TMEM178B: variants seen among roughly 807,000 people sequenced by gnomAD.
TMEM178B encodes transmembrane protein 178B.
A neutral mutation model predicts 31.0 loss-of-function variants in TMEM178B; 5 were observed. That is an observed-to-expected ratio of 0.16 (90% CI 0.08 to 0.34). The LOEUF (loss-of-function observed/expected upper bound fraction) is 0.34. TMEM178B is among the 10% of genes least tolerant of loss of function. The pLI, the probability that TMEM178B is intolerant of heterozygous loss-of-function variation, is 1.00. For missense variants in TMEM178B, 275 were observed against 400.3 expected, an observed-to-expected ratio of 0.69 and a Z score of 2.67; for synonymous variants, 164 against 164.0, an observed-to-expected ratio of 1.00 and a Z score of 0.00.
chr7:141,079,047 G>A (rs1015002810), intron 1 of TMEM178B, among the ~76,000 whole-genome samples: 2 of 152,200 alleles, frequency 1.3e-5, no homozygotes, highest in African/African-American at 4.8e-5. Flanking sequence ...AGCACTTTGG[G>A]AGGCCGAGGC....
intron 2 of TMEM178B, among the ~76,000 whole-genome samples, chr7:141,322,540 T>C (rs544399530): frequency 6.6e-6 from 1 of 152,032 alleles, no homozygotes; most frequent in East Asian, 1.9e-4. Context: ...GTTTTAAAAA[T>C]CAATCAATCA....
chr7:141,261,988 G>A (rs1324715858), intron 2 of TMEM178B, among the ~76,000 whole-genome samples: 1 of 152,144 alleles, frequency 6.6e-6, no homozygotes, highest in African/African-American at 2.4e-5. Context: ...GAGCCCTAGA[G>A]ACTTAGAATG....
intron 2 of TMEM178B, among the ~76,000 whole-genome samples, chr7:141,360,126 C>A (rs1799892681): frequency 6.6e-6 from 1 of 152,216 alleles, no homozygotes; most frequent in African/African-American, 2.4e-5. Context: ...ACTCTGACAA[C>A]TGACTTATAT....
At chr7:141,138,405 G>T (rs1795711604) in intron 1 of TMEM178B, among the ~76,000 whole-genome samples, 1 of 152,032 alleles carries the variant, frequency 6.6e-6, no homozygotes, top group Admixed American at 6.5e-5. Context: ...TCCTTATGGA[G>T]AATTAGTTTA....
rs1273815759 is a variant in TMEM178B, at chr7:141,205,742, T to C, written c.383-6849T>C. ...ACCACTCTGCCTAGAAGGGCCCTGC[T>C]TAATATATATTACCCTTGAGTGATA... is the stretch of plus-strand genomic sequence containing the variant. On this transcript the variant is annotated intron_variant, in intron 1 of 3. Coordinates refer to ENST00000565468, the MANE Select transcript of TMEM178B (RefSeq NM_001195278.2). 2.0e-5 allele frequency among the ~76,000 whole-genome samples: 3 copies of C among 152,370 alleles called. No homozygotes were observed. The East Asian group carries it at 5.8e-4, about 29-fold the overall frequency.
intron 2 of TMEM178B, among the ~76,000 whole-genome samples, chr7:141,375,861 G>A (rs952709784): frequency 2.0e-5 from 3 of 152,148 alleles, no homozygotes; most frequent in Non-Finnish European, 4.4e-5. Flanking sequence ...GAAACAGAGA[G>A]GGCAAGCCTT....
chr7:141,187,502 C>T (rs1796629615), intron 1 of TMEM178B, among the ~76,000 whole-genome samples: 1 of 152,060 alleles, frequency 6.6e-6, no homozygotes, highest in East Asian at 1.9e-4. Flanking sequence ...TTCTAGATCC[C>T]TGAGGAATCG....
chr7:141,263,254 T>G (rs972039029), intron 2 of TMEM178B, among the ~76,000 whole-genome samples: 1 of 152,224 alleles, frequency 6.6e-6, no homozygotes, highest in Admixed American at 6.5e-5. Flanking sequence ...AGCATTCCTC[T>G]GGCTCCTTTT....
chr7:141,491,752 T>G, the TMEM178B span, among the ~76,000 whole-genome samples: 9 of 152,222 alleles, frequency 5.9e-5, no homozygotes, highest in Non-Finnish European at 1.3e-4. Context: ...CTTAACCACT[T>G]TGTTTTATTG....
intron 2 of TMEM178B, among the ~76,000 whole-genome samples, chr7:141,323,592 G>C (rs539814226): frequency 2.6e-5 from 4 of 152,112 alleles, no homozygotes; most frequent in African/African-American, 9.6e-5. Context: ...ATTACATTTT[G>C]TTATTAACTT....
At position 141,209,394 on chromosome 7, in the gene TMEM178B, A is replaced by G. The variant is rs545161931; in HGVS notation, c.383-3197A>G. Among the ~76,000 whole-genome samples, 13 of 152,348 alleles carry G rather than the reference A, an allele frequency of 8.5e-5. No homozygotes were observed. In the East Asian group the frequency reaches 1.5e-3, roughly 18 times the overall value. ...TATAGACTCACAGAGTTCTGCAACA[A>G]TCGCCTCCTTTAATTCATTAGATTC... is the stretch of plus-strand genomic sequence containing the variant. On this transcript the variant is annotated intron_variant, in intron 1 of 3. Transcript: ENST00000565468.
intron 2 of TMEM178B, among the ~76,000 whole-genome samples, chr7:141,308,104 CG>C (rs936099258): frequency 1.3e-5 from 2 of 151,998 alleles, no homozygotes; most frequent in African/African-American, 4.8e-5. Flanking sequence ...ATGAAGAAGC[CG>C]GGGAAGGAGG....
chr7:141,108,413 T>C (rs573731883), intron 1 of TMEM178B, among the ~76,000 whole-genome samples: 1 of 152,188 alleles, frequency 6.6e-6, no homozygotes, highest in Non-Finnish European at 1.5e-5. Flanking sequence ...AGAAGGTTCA[T>C]GGGCAATCCA....
chr7:141,466,875 G>A (rs989578372), intron 3 of TMEM178B, among the ~76,000 whole-genome samples: 2 of 152,142 alleles, frequency 1.3e-5, no homozygotes, highest in Admixed American at 1.3e-4. Flanking sequence ...GCAATTGGAA[G>A]CATCCACAGT....
At chr7:141,166,117 C>T (rs1796256626) in intron 1 of TMEM178B, among the ~76,000 whole-genome samples, 1 of 152,176 alleles carries the variant, frequency 6.6e-6, no homozygotes, top group African/African-American at 2.4e-5. Context: ...CAGCATTTGC[C>T]ACAATTGCTG....
chr7:141,475,773 C>T lies in TMEM178B; in HGVS notation c.*4987C>T, dbSNP rs1455722994. On this transcript the variant is annotated 3_prime_UTR_variant, in exon 4 of 4. Transcript: ENST00000565468. ...TTGGGCCTGTCTGCCTGCTTTCCTT[C>T]CTTCCTTTTCTTTCCTTTTTTTTTT... The T allele has an allele frequency of 1.3e-5, 2 of 150,144 alleles. No homozygotes were observed. The highest frequency in any genetic ancestry group is 2.9e-5 in the Non-Finnish European group (2 of 68,020). 9.3% of individuals were successfully genotyped at this position (150,144 alleles called of 1,614,324 possible).
At chr7:141,133,238 G>C (rs1795621421) in intron 1 of TMEM178B, among the ~76,000 whole-genome samples, 1 of 152,056 alleles carries the variant, frequency 6.6e-6, no homozygotes, top group Non-Finnish European at 1.5e-5. Flanking sequence ...AGATTCTAAT[G>C]AAAAGGAAAT....
chr7:141,410,268 A>G (rs1170192564), intron 2 of TMEM178B, among the ~76,000 whole-genome samples: 1 of 152,192 alleles, frequency 6.6e-6, no homozygotes, highest in Admixed American at 6.5e-5. Flanking sequence ...CTAGAGGAGC[A>G]CTGCTTTGCT....
chr7:141,392,583 C>T (rs2116606575), intron 2 of TMEM178B, among the ~76,000 whole-genome samples: 1 of 152,264 alleles, frequency 6.6e-6, no homozygotes, highest in East Asian at 1.9e-4. Flanking sequence ...CTATGATTCC[C>T]TAACATCACC....
Sources: gnomAD v4.1 joint callset for allele counts (sites outside exome capture counted in the v4.1 genomes callset) on GRCh38, gnomAD v4.1.1 for gene constraint, MANE v1.5 for transcripts, NCBI Gene and HGNC (gene_info 2026-07-23, HGNC 2026-07-21) for gene names.